The following SLC36A4 variants were observed in gnomAD, a reference collection of about 807,000 sequenced individuals.
SLC36A4 encodes the protein solute carrier family 36 member 4, also known as neutral amino acid uniporter 4.
SLC36A4 carries 49 observed loss-of-function variants against 50.5 expected under a neutral mutation model. The ratio of observed to expected loss-of-function variants is 0.97; its 90% CI spans 0.77 to 1.23. The LOEUF (loss-of-function observed/expected upper bound fraction) is 1.23. Ranked by LOEUF, SLC36A4 falls within the 50% of genes most tolerant of loss-of-function variation. The pLI, the probability that SLC36A4 is intolerant of heterozygous loss-of-function variation, is 0.00. For missense variants in SLC36A4, 611 were observed against 608.4 expected, an observed-to-expected ratio of 1.00 and a Z score of -0.05; for synonymous variants, 207 against 206.5, an observed-to-expected ratio of 1.00 and a Z score of -0.02.
chr11:93,151,823 A>T (rs1472614770), intron 10 of SLC36A4, among the ~76,000 whole-genome samples: 1 of 152,040 alleles, frequency 6.6e-6, no homozygotes, highest in Non-Finnish European at 1.5e-5. Flanking sequence ...GAATTGAAAC[A>T]CTGGTCTCAG....
At chr11:93,178,910 C>T (rs1158553279) in intron 6 of SLC36A4, among the ~76,000 whole-genome samples, 1 of 152,150 alleles carries the variant, frequency 6.6e-6, no homozygotes, top group African/African-American at 2.4e-5. Context: ...CAAACTGTCC[C>T]TGTTTGTTGA....
chr11:93,166,173 T>A (rs781703464), intron 7 of SLC36A4, 157 bp from the exon 8 acceptor site: 42 of 1,319,932 alleles, frequency 3.2e-5, no homozygotes, highest in Non-Finnish European at 4.1e-5. Context: ...CATCCTCTGT[T>A]AAATGTAGCC....
At chr11:93,192,164 G>C (rs918436744) in intron 1 of SLC36A4, among the ~76,000 whole-genome samples, 1 of 152,218 alleles carries the variant, frequency 6.6e-6, no homozygotes, top group Non-Finnish European at 1.5e-5. Context: ...CAAGGATTGA[G>C]ACAGCCTCTA....
intron 2 of SLC36A4, 104 bp downstream of exon 2, chr11:93,185,587 A>C (rs1390884139): frequency 1.9e-6 from 2 of 1,072,798 alleles, no homozygotes; most frequent in Non-Finnish European, 2.6e-6. Flanking sequence ...ACTATGTCTT[A>C]TATTTGTGTC....
chr11:93,193,170 A>G (rs149236915), intron 1 of SLC36A4: 29 of 304,154 alleles, frequency 9.5e-5, no homozygotes, highest in African/African-American at 5.9e-4. Flanking sequence ...AGCATTTATG[A>G]CCTATAAACT....
Position 93,197,774 on chromosome 11 carries a change from C to A in SLC36A4, c.55+4G>T. 1.9e-6 allele frequency: 3 copies of A among 1,588,890 alleles called. No homozygotes were observed. Among genetic ancestry groups the A allele is most frequent in the East Asian group, 2.3e-5 (1 of 43,220 alleles). ...CCGGCTCCCTGCCCACGCACAACACCGACCTAGCTCCTCGCGCCTCGCCGC... is the reference window on the plus strand; with the variant it reads ...CCGGCTCCCTGCCCACGCACAACACAGACCTAGCTCCTCGCGCCTCGCCGC... On this transcript the variant is annotated splice_donor_region_variant and intron_variant, in intron 1 of 10. Transcript: ENST00000326402.
chr11:93,152,505 T>C (rs777699890), intron 10 of SLC36A4: 2 of 152,118 alleles, frequency 1.3e-5, no homozygotes, highest in South Asian at 2.1e-4. Context: ...GCATATCCCA[T>C]ATATGGATGA....
chr11:93,176,670 C>G (rs1357285173), intron 6 of SLC36A4, among the ~76,000 whole-genome samples: 1 of 151,966 alleles, frequency 6.6e-6, no homozygotes, highest in African/African-American at 2.4e-5. Flanking sequence ...TCAGCATTTG[C>G]TTGTCTGTAA....
In SLC36A4 at chr11:93,148,358, G is replaced by A. The variant is rs1004453983; in HGVS notation, c.*179C>T. On this transcript the variant is annotated 3_prime_UTR_variant, in exon 11 of 11. Transcript: ENST00000326402. ...ACTATTGCTAACACTTAAAAGCAAG[G>A]ATTTTTCATAGGTTTACCACTACTG... 9.5e-6 allele frequency: 5 copies of A among 523,710 alleles called. No individual in the cohort carries two copies. The highest frequency in any genetic ancestry group is 1.3e-5 in the Non-Finnish European group (4 of 308,036). The allele number at this position is 523,710 out of a possible 1,614,324, so 32.4% of individuals were successfully genotyped here. A position where few individuals can be genotyped will look rare whatever the true frequency, so the allele number is the denominator to read the frequency against.
chr11:93,190,641 T>A (rs1477581325), intron 1 of SLC36A4, among the ~76,000 whole-genome samples: 1 of 152,216 alleles, frequency 6.6e-6, no homozygotes, highest in Non-Finnish European at 1.5e-5. Flanking sequence ...GTTAGGAATT[T>A]AAGAAGTACA....
chr11:93,181,569 AG>A (rs1861734119), intron 5 of SLC36A4, 121 bp downstream of exon 5: 3 of 675,536 alleles, frequency 4.4e-6, no homozygotes, highest in Non-Finnish European at 6.5e-6. Flanking sequence ...TTTAACTCTA[AG>A]GGTTACATAT....
At chr11:93,159,602 T>C (rs1034862235) in intron 9 of SLC36A4, among the ~76,000 whole-genome samples, 3 of 152,214 alleles carry the variant, frequency 2.0e-5, no homozygotes, top group Non-Finnish European at 4.4e-5. Flanking sequence ...CATCTCATTC[T>C]AGGCTAAAAA....
intron 2 of SLC36A4, 35 bp downstream of exon 2, chr11:93,185,656 A>C (rs1861951314): frequency 6.6e-7 from 1 of 1,525,042 alleles, no homozygotes; most frequent in Admixed American, 2.4e-5. Context: ...ATACTGAATT[A>C]AAAGAAAAGG....
Position 93,148,646 on chromosome 11 carries a change from T to A in SLC36A4, c.1406A>T (p.Tyr469Phe). Residue 469 changes from tyrosine (Y) to phenylalanine (F), a missense_variant, in exon 11 of 11, where the codon TAT (tyrosine) becomes TTT (phenylalanine). Transcript: ENST00000326402. ...ATAAATAATTTCTTCAACAGTTATATATGTACCTAATAAGAAGCCAACAAC... is the reference window on the plus strand; with the variant it reads ...ATAAATAATTTCTTCAACAGTTATAAATGTACCTAATAAGAAGCCAACAAC... ...TGVVGFLLGT[Y>F]ITVEEIIYPT... The A allele has an allele frequency of 6.2e-7, 1 of 1,612,752 alleles. No individual in the cohort carries two copies. Among genetic ancestry groups the A allele is most frequent in the Non-Finnish European group, 8.5e-7 (1 of 1,179,194 alleles).
chr11:93,190,682 A>C (rs1249964892), intron 1 of SLC36A4, among the ~76,000 whole-genome samples: 1 of 152,186 alleles, frequency 6.6e-6, no homozygotes, highest in Non-Finnish European at 1.5e-5. Context: ...TCTACCATTA[A>C]AGAACCATGC....
At chr11:93,193,873 GAT>G (rs2134716331) in intron 1 of SLC36A4, among the ~76,000 whole-genome samples, 1 of 152,206 alleles carries the variant, frequency 6.6e-6, no homozygotes, top group South Asian at 2.1e-4. Flanking sequence ...TGCAGAAGAG[GAT>G]TTTGCACAAG....
intron 6 of SLC36A4, among the ~76,000 whole-genome samples, chr11:93,173,512 G>A (rs943633601): frequency 6.7e-6 from 1 of 149,452 alleles, no homozygotes; most frequent in African/African-American, 2.5e-5. Context: ...TGGACATGAA[G>A]TCCTTGCACA....
At position 93,147,647 on chromosome 11, in the gene SLC36A4, A is replaced by G. The variant is rs1316008853; in HGVS notation, c.*890T>C. 6.6e-6 allele frequency: 1 copy of G among 152,098 alleles called. No homozygotes were observed. Among genetic ancestry groups the G allele is most frequent in the Non-Finnish European group, 1.5e-5 (1 of 68,006 alleles). The allele number at this position is 152,098 out of a possible 1,614,324, so 9.4% of individuals were successfully genotyped here. On this transcript the variant is annotated 3_prime_UTR_variant, in exon 11 of 11. Transcript: ENST00000326402. ...TTAAAAATCACACATTCATTTTCAA[A>G]GTATTAAAATATAATCAAATAGATT...
intron 6 of SLC36A4, among the ~76,000 whole-genome samples, chr11:93,174,751 TA>T (rs1443737741): frequency 3.4e-5 from 5 of 146,336 alleles, no homozygotes; most frequent in Non-Finnish European, 7.5e-5. Flanking sequence ...GGATTACATT[TA>T]TTGATTTGCA....
Sources: gnomAD v4.1 joint callset for allele counts (sites outside exome capture counted in the v4.1 genomes callset) on GRCh38, gnomAD v4.1.1 for gene constraint, MANE v1.5 for transcripts, NCBI Gene and HGNC (gene_info 2026-07-23, HGNC 2026-07-21) for gene names.